ANKRD35: variants seen among roughly 807,000 people sequenced by gnomAD.
ANKRD35 encodes ankyrin repeat domain-containing protein 35.
ANKRD35 carries 102 observed loss-of-function variants against 109.9 expected under a neutral mutation model. That is an observed-to-expected ratio of 0.93 (90% CI 0.79 to 1.09). ANKRD35 has a LOEUF of 1.09. Ranked by LOEUF, ANKRD35 falls within the 50% of genes least tolerant of loss-of-function variation. The pLI is 0.00. For synonymous variants in ANKRD35, 515 were observed against 512.4 expected (o/e 1.01, Z -0.07); for missense variants, 1,240 against 1,230.1 (o/e 1.01, Z -0.12).
intron 1 of ANKRD35, among the ~76,000 whole-genome samples, chr1:145,882,296 C>CTTT (rs57073568): frequency 2.2e-4 from 23 of 103,546 alleles, no homozygotes; most frequent in African/African-American, 7.2e-4. Context: ...TCTTTCTTTC[C>CTTT]TTTTTTTTTT....
chr1:145,868,529 C>G, intron 10 of ANKRD35, 129 bp from the exon 11 acceptor site: 1 of 723,260 alleles, frequency 1.4e-6, no homozygotes, highest in South Asian at 1.9e-5. Context: ...ATTTAACACT[C>G]AAAACAGCTT....
Position 145,879,181 on chromosome 1 carries a change from G to T in ANKRD35, c.170+77C>A, listed in dbSNP as rs1401536528. ...AGCTCTGAAGTTGTAGGCATTCCCT[G>T]GTCCTATGTTATATTGGATTTGGGG... On this transcript the variant is annotated intron_variant, in intron 2 of 13. Transcript: ENST00000355594. The T allele has an allele frequency of 4.2e-6, 6 of 1,413,320 alleles. No individual in the cohort carries two copies. The African/African-American group carries it at 7.3e-5, about 17-fold the overall frequency. 87.5% of individuals were successfully genotyped at this position (1,413,320 alleles called of 1,614,324 possible). A position where few individuals can be genotyped will look rare whatever the true frequency, so the allele number is the denominator to read the frequency against.
At chr1:145,877,942 G>C (rs1553740427) in intron 4 of ANKRD35, 26 bp downstream of exon 4, 10 of 1,606,228 alleles carry the variant, frequency 6.2e-6, no homozygotes, top group African/African-American at 2.7e-5. Context: ...CCCTTCATAA[G>C]AGTGGTATCA....
intron 10 of ANKRD35, among the ~76,000 whole-genome samples, chr1:145,870,680 C>T (rs782217585): frequency 5.9e-5 from 9 of 152,156 alleles, no homozygotes; most frequent in Admixed American, 5.9e-4. Context: ...TTTTTATGTA[C>T]TCCACACTAT....
In ANKRD35 at chr1:145,876,563, ACT is replaced by A. The variant is rs782218156; in HGVS notation, c.453+4_453+5del. ...GACACTGCCCACTTGCCCATCTGAC[ACT>A]CACATTATCCAACACGTCCAGGAAG... On this transcript the variant is annotated splice_donor_5th_base_variant and intron_variant, in intron 6 of 13. Coordinates refer to ENST00000355594, the MANE Select transcript of ANKRD35 (RefSeq NM_144698.5). The A allele has an allele frequency of 2.5e-6, 4 of 1,613,988 alleles. No homozygotes were observed. The African/African-American group carries it at 4.0e-5, about 16-fold the overall frequency.
Position 145,878,135 on chromosome 1 carries a change from G to A in ANKRD35, c.260-103C>T. 6 of 1,187,766 alleles carry A rather than the reference G, an allele frequency of 5.1e-6. No homozygotes were observed. In the East Asian group the frequency reaches 9.4e-5, roughly 19 times the overall value. 73.6% of individuals were successfully genotyped at this position (1,187,766 alleles called of 1,614,324 possible). A position where few individuals can be genotyped will look rare whatever the true frequency, so the allele number is the denominator to read the frequency against. On this transcript the variant is annotated intron_variant, in intron 3 of 13. Coordinates refer to ENST00000355594, the MANE Select transcript of ANKRD35 (RefSeq NM_144698.5). ...ACGCACAGATAATCAGGAGATTAGG[G>A]AGAGAAGCTTTCAGCCACACGGGGC...
intron 7 of ANKRD35, 39 bp downstream of exon 7, chr1:145,876,101 A>G (rs2101711216): frequency 1.9e-6 from 3 of 1,580,622 alleles, no homozygotes; most frequent in Non-Finnish European, 1.7e-6. Flanking sequence ...TAAATTGGTC[A>G]GGCATGGGAA....
At chr1:145,869,187 TTG>T (rs1490073314) in intron 10 of ANKRD35, among the ~76,000 whole-genome samples, 4 of 145,640 alleles carry the variant, frequency 2.7e-5, no homozygotes, top group African/African-American at 1.0e-4. Flanking sequence ...TTGTTTTTTT[TTG>T]TTTGTTTGTT....
At chr1:145,876,927 C>T (rs587621143) in intron 4 of ANKRD35, 54 bp from the exon 5 acceptor site, 4 of 1,588,024 alleles carry the variant, frequency 2.5e-6, no homozygotes, top group Non-Finnish European at 3.5e-6. Context: ...ACATCCTCAT[C>T]CCATACCCCC....
chr1:145,878,582 A>G, intron 2 of ANKRD35, 103 bp from the exon 3 acceptor site: 1 of 1,088,898 alleles, frequency 9.2e-7, no homozygotes, highest in South Asian at 1.5e-5. Context: ...CCCCAAAGCC[A>G]ATCCTAAAAG....
At position 145,873,234 on chromosome 1, in the gene ANKRD35, G is replaced by C. The variant is rs1653917879; in HGVS notation, c.1535C>G (p.Ala512Gly). The stretch of plus-strand genomic sequence containing the variant: ...TCCCTCCATGACCGGTCTTGACAAA[G>C]CCCCCCGGGCAGCATCCTTTTCTCG... ...VWREKDAARG[A>G]LSRPVMEGAL... Residue 512 changes from alanine to glycine, a missense_variant, in exon 10 of 14, where the codon GCT (alanine) becomes GGT (glycine). Coordinates refer to ENST00000355594, the MANE Select transcript of ANKRD35 (RefSeq NM_144698.5). 1.9e-6 allele frequency: 3 copies of C among 1,614,086 alleles called. No homozygotes were observed. The highest frequency in any genetic ancestry group is 1.7e-6 in the Non-Finnish European group (2 of 1,179,986).
At chr1:145,877,294 G>A (rs933976364) in intron 4 of ANKRD35, among the ~76,000 whole-genome samples, 2 of 149,452 alleles carry the variant, frequency 1.3e-5, no homozygotes, top group East Asian at 2.0e-4. Flanking sequence ...GTGCAGTGGT[G>A]CGATCTTGGA....
At chr1:145,867,110 C>A (rs782138653) in intron 13 of ANKRD35, among the ~76,000 whole-genome samples, 177 bp downstream of exon 13, 1 of 152,186 alleles carries the variant, frequency 6.6e-6, no homozygotes, top group Non-Finnish European at 1.5e-5. Flanking sequence ...TGATTCCTGA[C>A]TCCACCCAGT....
intron 10 of ANKRD35, among the ~76,000 whole-genome samples, chr1:145,871,761 C>CCCCTTCTCTCTTCCACTTATACCTTA (rs1553738674): frequency 5.3e-5 from 8 of 152,130 alleles, no homozygotes; most frequent in African/African-American, 1.9e-4. Context: ...GTACCTAAGC[C>CCCCTTCTCTCTTCCACTTATACCTTA]CCCTTCTCTC....
At chr1:145,870,388 A>T (rs1553738403) in intron 10 of ANKRD35, among the ~76,000 whole-genome samples, 1 of 152,078 alleles carries the variant, frequency 6.6e-6, no homozygotes, top group Non-Finnish European at 1.5e-5. Flanking sequence ...CACCGCACCC[A>T]GCCCCAAATC....
At chr1:145,878,970 TCTA>T (rs1266549754) in intron 2 of ANKRD35, among the ~76,000 whole-genome samples, 2 of 152,322 alleles carry the variant, frequency 1.3e-5, no homozygotes, top group Non-Finnish European at 2.9e-5. Context: ...GAAGAAACAC[TCTA>T]CTTAGTGTAT....
chr1:145,874,313 C>CCAGGAAGATGTGCAGTGAG, intron 8 of ANKRD35, 121 bp from the exon 9 acceptor site: 2 of 1,098,690 alleles, frequency 1.8e-6, no homozygotes, highest in African/African-American at 1.5e-5. Flanking sequence ...TCTCACTGCA[C>CCAGGAAGATGTGCAGTGAG]ATCTTCCTGG....
In ANKRD35 at chr1:145,873,631, C is replaced by G; in HGVS notation, c.1138G>C (p.Glu380Gln). Residue 380 changes from glutamate to glutamine, a missense_variant, in exon 10 of 14, where the codon GAG becomes CAG. By Grantham distance (29) the Glu-to-Gln change is conservative. Transcript: ENST00000355594. ...TGCTTCTTTAGCTCTTGTGTACTCTCAGCCAGCAGGTCCTTAGGACAACCC... is the reference window on the plus strand; with the variant it reads ...TGCTTCTTTAGCTCTTGTGTACTCTGAGCCAGCAGGTCCTTAGGACAACCC... ...EQGCPKDLLAESTQELKKQQQ... is the reference protein window; with the variant it reads ...EQGCPKDLLAQSTQELKKQQQ... 6.2e-7 allele frequency: 1 copy of G among 1,614,098 alleles called. No individual in the cohort carries two copies. Among genetic ancestry groups the G allele is most frequent in the Non-Finnish European group, 8.5e-7 (1 of 1,180,014 alleles).
In ANKRD35 at chr1:145,873,331, C is replaced by A. The variant is rs782270939; in HGVS notation, c.1438G>T (p.Ala480Ser). 17 of 1,614,102 alleles carry A rather than the reference C, an allele frequency of 1.1e-5. No homozygotes were observed. In the South Asian group the frequency reaches 1.9e-4, roughly 18 times the overall value. ...ATGGCTGCTGGGCCCACTGGTTCAG[C>A]CACTGTGCCTCCTGGTTCAACTCCT... The part of the protein sequence containing the change: ...VLGVEPGGTV[A>S]EPVGPAAMNQ... Residue 480 changes from alanine to serine, a missense_variant, in exon 10 of 14, where the codon GCT becomes TCT. By Grantham distance (99) the Ala-to-Ser change is moderately conservative. Transcript: ENST00000355594.
Sources: gnomAD v4.1 joint callset for allele counts (sites outside exome capture counted in the v4.1 genomes callset) on GRCh38, gnomAD v4.1.1 for gene constraint, MANE v1.5 for transcripts, NCBI Gene and HGNC (gene_info 2026-07-23, HGNC 2026-07-21) for gene names.